Variants in CNTN3 observed in about 807,000 individuals in gnomAD.
CNTN3 encodes contactin-3.
Under a neutral mutation model 119.1 loss-of-function variants are expected in CNTN3, and 60 were observed. The ratio of observed to expected loss-of-function variants is 0.50; its 90% CI spans 0.41 to 0.62. The LOEUF is 0.62. CNTN3 is among the 20% of genes least tolerant of loss of function. The pLI is 0.00. For missense variants in CNTN3, 1,101 were observed against 1,242.4 expected (o/e 0.89, Z 1.71); for synonymous variants, 450 against 438.7 (o/e 1.03, Z -0.32).
At chr3:74,283,931 T>C (rs1702062063) in intron 20 of CNTN3, among the ~76,000 whole-genome samples, 2 of 152,158 alleles carry the variant, frequency 1.3e-5, no homozygotes, top group South Asian at 4.1e-4. Context: ...GTTAAATTGT[T>C]ACATTAGTCG....
At chr3:74,591,659 G>T (rs1044200023) in intron 1 of CNTN3, among the ~76,000 whole-genome samples, 1 of 151,858 alleles carries the variant, frequency 6.6e-6, no homozygotes, top group Non-Finnish European at 1.5e-5. Flanking sequence ...GTGGCCTGGA[G>T]AGGTGAGGAA....
At chr3:74,365,296 C>CA (rs1704162869) in intron 9 of CNTN3, among the ~76,000 whole-genome samples, 1 of 151,746 alleles carries the variant, frequency 6.6e-6, no homozygotes, top group African/African-American at 2.4e-5. Flanking sequence ...ATTTCAATAC[C>CA]AAAAAAACGG....
intron 1 of CNTN3, among the ~76,000 whole-genome samples, chr3:74,536,579 A>C (rs191575023): frequency 2.6e-5 from 4 of 152,002 alleles, no homozygotes; most frequent in African/African-American, 7.2e-5. Context: ...GGTACCTAGA[A>C]CTCTGCCTGG....
At chr3:74,454,238 T>C (rs200976493) in intron 4 of CNTN3, among the ~76,000 whole-genome samples, 25,059 of 130,564 alleles carry the variant, frequency 0.19, 2,932 homozygotes, top group East Asian at 0.45. Flanking sequence ...GCTCTTCTTG[T>C]TGAATTGATC....
rs777107273 is a variant in CNTN3, at chr3:74,381,074, T to TCC, written c.455-9676_455-9675insGG. Among the ~76,000 whole-genome samples, 835 of 150,536 alleles carry TCC rather than the reference T, an allele frequency of 5.5e-3. 3 individuals are homozygous for TCC. Among genetic ancestry groups the TCC allele is most frequent in the Non-Finnish European group, 9.8e-3 (662 of 67,668 alleles). ...AATTGTTTTTTTTTTTCTCTCTCTC[T>TCC]CTCTCTCTCTCTCACACACACACAC... On this transcript the variant is annotated intron_variant, in intron 5 of 22. Coordinates refer to ENST00000263665, the MANE Select transcript of CNTN3 (RefSeq NM_020872.3).
At chr3:74,461,419 C>A (rs367999205) in intron 4 of CNTN3, among the ~76,000 whole-genome samples, 1 of 151,944 alleles carries the variant, frequency 6.6e-6, no homozygotes, top group Non-Finnish European at 1.5e-5. Context: ...GTTCTTCTAT[C>A]CCCTAAATTG....
intron 16 of CNTN3, among the ~76,000 whole-genome samples, chr3:74,300,352 A>C (rs868095958): frequency 6.6e-6 from 1 of 152,306 alleles, no homozygotes; most frequent in Non-Finnish European, 1.5e-5. Flanking sequence ...ACCCAGACTC[A>C]AACCCTCGAA....
At chr3:74,473,084 A>C (rs556551131) in intron 4 of CNTN3, among the ~76,000 whole-genome samples, 49 of 151,588 alleles carry the variant, frequency 3.2e-4, no homozygotes, top group African/African-American at 1.1e-3. Context: ...AAAAAAATAT[A>C]ATCTAAGAAA....
intron 5 of CNTN3, among the ~76,000 whole-genome samples, chr3:74,389,481 T>A (rs931527187): frequency 6.6e-6 from 1 of 152,176 alleles, no homozygotes; most frequent in Non-Finnish European, 1.5e-5. Context: ...TTACATATAC[T>A]GAGAAAAGTA....
At chr3:74,349,429 T>C (rs968545860) in intron 11 of CNTN3, among the ~76,000 whole-genome samples, 4 of 152,218 alleles carry the variant, frequency 2.6e-5, no homozygotes, top group Non-Finnish European at 5.9e-5. Context: ...TTGACTGATA[T>C]GTAAGGGTTT....
chr3:74,283,240 A>G (rs1351975365), intron 20 of CNTN3, among the ~76,000 whole-genome samples: 4 of 152,136 alleles, frequency 2.6e-5, no homozygotes, highest in Admixed American at 2.6e-4. Context: ...ACCATTATAT[A>G]ACCTCCATAT....
chr3:74,429,903 G>A (rs186922525), intron 4 of CNTN3, among the ~76,000 whole-genome samples: 283 of 152,158 alleles, frequency 1.9e-3, no homozygotes, highest in African/African-American at 6.4e-3. Flanking sequence ...ATTAGACATC[G>A]GGGAAATGCA....
intron 11 of CNTN3, among the ~76,000 whole-genome samples, chr3:74,339,746 G>T (rs529275734): frequency 1.3e-5 from 2 of 152,180 alleles, no homozygotes; most frequent in Non-Finnish European, 2.9e-5. Flanking sequence ...ATGACGGTAT[G>T]CCTTTAGAGA....
At chr3:74,336,442 A>C in intron 12 of CNTN3, 89 bp downstream of exon 12, 1 of 1,391,504 alleles carries the variant, frequency 7.2e-7, no homozygotes, top group Non-Finnish European at 1.0e-6. Context: ...TAGTGTACTG[A>C]ACATTGTGAA....
chr3:74,383,410 A>C (rs1434880006), intron 5 of CNTN3, among the ~76,000 whole-genome samples: 2 of 152,204 alleles, frequency 1.3e-5, no homozygotes, highest in Non-Finnish European at 2.9e-5. Flanking sequence ...CTGATGTACC[A>C]CATGTCAAAG....
chr3:74,298,234 C>T lies in CNTN3; in HGVS notation c.2167-43G>A, dbSNP rs758871752. 2.4e-5 allele frequency: 30 copies of T among 1,272,632 alleles called. No individual in the cohort carries two copies. In the South Asian group the frequency reaches 2.5e-4, roughly 11 times the overall value. The allele number at this position is 1,272,632 out of a possible 1,614,324, so 78.8% of individuals were successfully genotyped here. On this transcript the variant is annotated intron_variant, in intron 17 of 22. Transcript: ENST00000263665. Reference sequence around the variant, plus strand: ...ACTGAATCACCCTTACACATAAGGGCAAGGCAAAAATGAATGCAGCTGTAA... The same window carrying T: ...ACTGAATCACCCTTACACATAAGGGTAAGGCAAAAATGAATGCAGCTGTAA...
chr3:74,556,389 T>C (rs1704069507), intron 1 of CNTN3, among the ~76,000 whole-genome samples: 1 of 152,200 alleles, frequency 6.6e-6, no homozygotes, highest in Non-Finnish European at 1.5e-5. Flanking sequence ...TTCATATAAA[T>C]GGAATCATAA....
Position 74,384,599 on chromosome 3 carries a change from A to G in CNTN3, c.455-13200T>C, listed in dbSNP as rs1704701456. ...CATTTATTCTCCCTATTTTCCAAAT[A>G]AATTCCTATTAAACAAGTTGTCCTG... On this transcript the variant is annotated intron_variant, in intron 5 of 22. Transcript: ENST00000263665. Among the ~76,000 whole-genome samples the G allele has an allele frequency of 2.6e-5, 4 of 152,232 alleles. No individual in the cohort carries two copies. In the South Asian group the frequency reaches 8.3e-4, roughly 32 times the overall value.
chr3:74,536,150 G>A (rs2107141497), intron 1 of CNTN3, among the ~76,000 whole-genome samples: 1 of 152,018 alleles, frequency 6.6e-6, no homozygotes, highest in South Asian at 2.1e-4. Flanking sequence ...TTACGGAGAT[G>A]GTCCTCATTC....
Sources: gnomAD v4.1 joint callset for allele counts (sites outside exome capture counted in the v4.1 genomes callset) on GRCh38, gnomAD v4.1.1 for gene constraint, MANE v1.5 for transcripts, NCBI Gene and HGNC (gene_info 2026-07-23, HGNC 2026-07-21) for gene names.